The following ARID1B variants were observed in gnomAD, a reference collection of about 807,000 sequenced individuals.
The protein encoded by ARID1B is AT-rich interactive domain-containing protein 1B.
A neutral mutation model predicts 212.3 loss-of-function variants in ARID1B; 30 were observed. The ratio of observed to expected loss-of-function variants is 0.14; its 90% CI spans 0.11 to 0.19. ARID1B has a LOEUF of 0.19. Ranked by LOEUF, ARID1B falls within the 10% of genes least tolerant of loss-of-function variation. The probability of loss-of-function intolerance (pLI) is 1.00; values close to 1 mark genes in which losing one functional copy is unlikely to be tolerated. For missense variants in ARID1B, 2,891 were observed against 3,204.0 expected (o/e 0.90, Z 2.36); for synonymous variants, 1,402 against 1,301.7 (o/e 1.08, Z -1.66).
chr6:157,124,575 A>G (rs1016139412), intron 6 of ARID1B, among the ~76,000 whole-genome samples: 3 of 152,250 alleles, frequency 2.0e-5, no homozygotes, highest in African/African-American at 7.2e-5. Flanking sequence ...GCTGGAGCAA[A>G]GGACACAGCA....
At chr6:156,976,305 C>A in intron 4 of ARID1B, 1 of 162,360 alleles carries the variant, frequency 6.2e-6, no homozygotes, top group South Asian at 1.5e-4. Context: ...CTGACATTCT[C>A]AAGAGCATCA....
At position 157,207,762 on chromosome 6, in the gene ARID1B, A is replaced by G. The variant is rs2128399331; in HGVS notation, c.6990A>G (p.Arg2330=). ...CCAAGGCTTTGCTAGCCATGGCCAG[A>G]GTGGACGAAAACCGCTCGGAATTCC... ...RAAKALLAMA[R]VDENRSEFLL... Residue 2330 remains arginine, a synonymous_variant, in exon 20 of 20, where the codon AGA becomes AGG. Coordinates refer to ENST00000636930, the MANE Select transcript of ARID1B (RefSeq NM_001374828.1). This position sits in a 1 kb window ranked among gnomAD's most constrained non-coding sequence, Gnocchi z 8.5. 1.3e-6 allele frequency: 2 copies of G among 1,580,558 alleles called. No individual in the cohort carries two copies. The highest frequency in any genetic ancestry group is 1.7e-6 in the Non-Finnish European group (2 of 1,158,204).
chr6:157,137,074 G>A (rs1376154032), intron 7 of ARID1B, among the ~76,000 whole-genome samples: 6 of 152,022 alleles, frequency 3.9e-5, no homozygotes, highest in South Asian at 2.1e-4. Context: ...CCAGCCACGC[G>A]GGAGGCTGAC....
chr6:156,792,962 G>GA (rs1301696766), intron 1 of ARID1B, among the ~76,000 whole-genome samples: 2 of 151,372 alleles, frequency 1.3e-5, no homozygotes, highest in Non-Finnish European at 3.0e-5. Flanking sequence ...TGAGGACAAT[G>GA]AAAAAAAAAT....
chr6:157,120,686 C>T (rs1212234264), intron 6 of ARID1B, among the ~76,000 whole-genome samples: 1 of 152,142 alleles, frequency 6.6e-6, no homozygotes, highest in Non-Finnish European at 1.5e-5. Context: ...TGGTATGTAA[C>T]CGTGGCACAC....
intron 2 of ARID1B, among the ~76,000 whole-genome samples, chr6:156,842,432 C>T (rs891268278): frequency 2.6e-5 from 4 of 152,088 alleles, no homozygotes; most frequent in Non-Finnish European, 4.4e-5. Flanking sequence ...TCTTGTGGCA[C>T]GTTCCAGCAC....
At chr6:157,176,793 C>T (rs902617511) in intron 11 of ARID1B, among the ~76,000 whole-genome samples, 10 of 152,148 alleles carry the variant, frequency 6.6e-5, no homozygotes, top group Admixed American at 1.3e-4. Context: ...TTGCAGTGAG[C>T]CGAGATCGCG....
chr6:157,181,133 G>A lies in ARID1B; in HGVS notation c.3669G>A (p.Leu1223=). 6.2e-7 allele frequency: 1 copy of A among 1,614,232 alleles called. No individual in the cohort carries two copies. The highest frequency in any genetic ancestry group is 8.5e-7 in the Non-Finnish European group (1 of 1,180,044). Residue 1223 remains leucine, a synonymous_variant, in exon 12 of 20, where the codon CTG becomes CTA. Coordinates refer to ENST00000636930, the MANE Select transcript of ARID1B (RefSeq NM_001374828.1). ...CCGTGGGCAAGAAGCCCCTGGACCTGTTCCGACTCTACGTCTGCGTCAAAG... is the reference window on the plus strand; with the variant it reads ...CCGTGGGCAAGAAGCCCCTGGACCTATTCCGACTCTACGTCTGCGTCAAAG... ...LPAVGKKPLD[L]FRLYVCVKEI...
intron 4 of ARID1B, among the ~76,000 whole-genome samples, chr6:157,015,419 G>T (rs960993232): frequency 6.6e-6 from 1 of 152,172 alleles, no homozygotes; most frequent in South Asian, 2.1e-4. Context: ...CAGTTGGAGA[G>T]GTCTGGTCAG....
chr6:156,918,352 A>G (rs1790521585), intron 3 of ARID1B, among the ~76,000 whole-genome samples: 1 of 152,204 alleles, frequency 6.6e-6, no homozygotes, highest in African/African-American at 2.4e-5. Context: ...AATTAACCTT[A>G]CAAGGCCTGT....
intron 4 of ARID1B, among the ~76,000 whole-genome samples, chr6:156,957,914 T>A (rs191827424): frequency 2.0e-5 from 3 of 152,228 alleles, no homozygotes; most frequent in Non-Finnish European, 4.4e-5. Flanking sequence ...TTCTGTATTC[T>A]GCTAGGGAAT....
At chr6:156,921,439 AC>A (rs1210848288) in intron 3 of ARID1B, among the ~76,000 whole-genome samples, 58 of 212 alleles carry the variant, frequency 0.27, 2 homozygotes, top group East Asian at 0.52. Flanking sequence ...TGATGGGAAA[AC>A]ACACACACAC....
chr6:156,946,399 A>G (rs1260667797), intron 4 of ARID1B, among the ~76,000 whole-genome samples: 1 of 151,848 alleles, frequency 6.6e-6, no homozygotes, highest in Non-Finnish European at 1.5e-5. Flanking sequence ...TAATAAATAA[A>G]TAAATAAATA....
rs756079938 is a variant in ARID1B, at chr6:157,200,660, C to T, written c.4480-45C>T. ...TGCATAATTTCAGTGTGTGATTATA[C>T]CTGTAAGAGCACATCAGGATGATTT... is the stretch of plus-strand genomic sequence containing the variant. On this transcript the variant is annotated intron_variant, in intron 17 of 19. Coordinates refer to ENST00000636930, the MANE Select transcript of ARID1B (RefSeq NM_001374828.1). The surrounding 1 kb of genome is among the most constrained non-coding windows in gnomAD (Gnocchi z 4.3). The T allele has an allele frequency of 1.3e-6, 2 of 1,540,680 alleles. No individual in the cohort carries two copies. The highest frequency in any genetic ancestry group is 1.7e-6 in the Non-Finnish European group (2 of 1,145,034).
intron 4 of ARID1B, among the ~76,000 whole-genome samples, chr6:157,028,605 G>A (rs562910204): frequency 6.6e-5 from 10 of 152,258 alleles, no homozygotes; most frequent in South Asian, 2.1e-4. Context: ...TTTGATAAAC[G>A]CTGGAAGTAT....
intron 1 of ARID1B, among the ~76,000 whole-genome samples, chr6:156,806,401 G>A (rs1781158348): frequency 6.6e-6 from 1 of 152,172 alleles, no homozygotes; most frequent in Non-Finnish European, 1.5e-5. Context: ...AGGTGTTCCT[G>A]CTCTCTACGT....
intron 3 of ARID1B, among the ~76,000 whole-genome samples, chr6:156,931,593 A>G (rs1002321359): frequency 1.3e-5 from 2 of 152,186 alleles, no homozygotes; most frequent in Non-Finnish European, 2.9e-5. Context: ...CTTTGGCAGG[A>G]GAATCACTTG....
intron 3 of ARID1B, among the ~76,000 whole-genome samples, chr6:156,929,031 T>G (rs529105238): frequency 1.3e-5 from 2 of 152,216 alleles, no homozygotes; most frequent in African/African-American, 2.4e-5. Flanking sequence ...TGAAGAGATA[T>G]CCATCACTTT....
intron 6 of ARID1B, among the ~76,000 whole-genome samples, chr6:157,117,156 A>G (rs576821965): frequency 1.3e-5 from 2 of 152,332 alleles, no homozygotes; most frequent in South Asian, 2.1e-4. Flanking sequence ...CAGATGGGGC[A>G]TGATCAGGCA....
Sources: gnomAD v4.1 joint callset for allele counts (sites outside exome capture counted in the v4.1 genomes callset) on GRCh38, gnomAD v4.1.1 for gene constraint, Gnocchi (gnomAD v3.1) non-coding constraint, MANE v1.5 for transcripts, NCBI Gene and HGNC (gene_info 2026-07-23, HGNC 2026-07-21) for gene names.